The following TMEM117 variants were observed in gnomAD, a reference collection of about 807,000 sequenced individuals.
The protein encoded by TMEM117 is transmembrane protein 117.
Under a neutral mutation model 52.4 loss-of-function variants are expected in TMEM117, and 27 were observed. The observed-to-expected ratio is 0.51, with a 90% CI of 0.38 to 0.71. TMEM117 has a LOEUF of 0.71. Ranked by LOEUF, TMEM117 falls within the 30% of genes least tolerant of loss-of-function variation. TMEM117 has a pLI of 0.00. For synonymous variants in TMEM117, 215 were observed against 206.3 expected (o/e 1.04, Z -0.36); for missense variants, 556 against 630.5 (o/e 0.88, Z 1.26).
At chr12:43,979,652 G>T (rs1170570918) in intron 3 of TMEM117, among the ~76,000 whole-genome samples, 1 of 152,118 alleles carries the variant, frequency 6.6e-6, no homozygotes, top group African/African-American at 2.4e-5. Flanking sequence ...GGGCCCCATA[G>T]GTTGCAAATT....
At chr12:43,968,868 C>G (rs939881453) in intron 3 of TMEM117, among the ~76,000 whole-genome samples, 6 of 152,156 alleles carry the variant, frequency 3.9e-5, no homozygotes, top group African/African-American at 1.4e-4. Flanking sequence ...TTTACTGCAG[C>G]CTGCACATGG....
rs367933151 is a variant in TMEM117, at chr12:43,904,648, A to AT, written c.278-39559dup. On this transcript the variant is annotated intron_variant, in intron 2 of 7. Coordinates refer to ENST00000266534, the MANE Select transcript of TMEM117 (RefSeq NM_032256.3). ...ATAGCACTACATTGATCTGTTGATC[A>AT]TTTATCACTCCCGGGTTGGTGCCTG... Among the ~76,000 whole-genome samples, 689 of 152,208 alleles carry AT rather than the reference A, an allele frequency of 4.5e-3. 6 individuals are homozygous for AT. The highest frequency in any genetic ancestry group is 0.015 in the African/African-American group (638 of 41,514).
intron 3 of TMEM117, among the ~76,000 whole-genome samples, chr12:44,082,785 C>A (rs1449306931): frequency 6.6e-6 from 1 of 152,038 alleles, no homozygotes; most frequent in Admixed American, 6.6e-5. Flanking sequence ...ATACTAGTAG[C>A]CTTACACTGA....
rs1240274836 is a variant in TMEM117, at chr12:43,959,029, G to A, written c.410+14687G>A. Among the ~76,000 whole-genome samples the A allele has an allele frequency of 6.6e-5, 10 of 152,134 alleles. No individual in the cohort carries two copies. In the East Asian group the frequency reaches 1.2e-3, roughly 18 times the overall value. On this transcript the variant is annotated intron_variant, in intron 3 of 7. Coordinates refer to ENST00000266534, the MANE Select transcript of TMEM117 (RefSeq NM_032256.3). ...TCACCATGTTCGCCAGGATGGTCTT[G>A]ATCTCCTGACCTCGTGATCCGCCCG...
intron 5 of TMEM117, among the ~76,000 whole-genome samples, chr12:44,224,122 C>T (rs1292696992): frequency 6.6e-6 from 1 of 152,056 alleles, no homozygotes; most frequent in Non-Finnish European, 1.5e-5. Flanking sequence ...TTACCTGTCT[C>T]TGCCTTGATT....
At chr12:43,987,378 G>C (rs1945865985) in intron 3 of TMEM117, among the ~76,000 whole-genome samples, 1 of 152,168 alleles carries the variant, frequency 6.6e-6, no homozygotes, top group Admixed American at 6.6e-5. Context: ...ACATGCTAGA[G>C]TGATTTTTTA....
At position 44,032,263 on chromosome 12, in the gene TMEM117, C is replaced by T. The variant is rs12296832; in HGVS notation, c.410+87921C>T. Among the ~76,000 whole-genome samples, 499 of 152,190 alleles carry T rather than the reference C, an allele frequency of 3.3e-3. 3 individuals are homozygous for T. The highest frequency in any genetic ancestry group is 0.011 in the African/African-American group (458 of 41,528). The stretch of plus-strand genomic sequence containing the variant: ...GTGTAATAAAGCAAATCAATCTTAC[C>T]GTGATTTGTCTTTAGTAAAGATGGA... On this transcript the variant is annotated intron_variant, in intron 3 of 7. Coordinates refer to ENST00000266534, the MANE Select transcript of TMEM117 (RefSeq NM_032256.3).
At chr12:43,827,753 T>C in the TMEM117 span, among the ~76,000 whole-genome samples, 1 of 152,208 alleles carries the variant, frequency 6.6e-6, no homozygotes, top group African/African-American at 2.4e-5. Flanking sequence ...CCAAAATTCA[T>C]GTCCACTTGG....
intron 2 of TMEM117, among the ~76,000 whole-genome samples, chr12:43,881,454 T>C (rs1348884794): frequency 1.3e-5 from 2 of 152,170 alleles, no homozygotes; most frequent in African/African-American, 2.4e-5. Context: ...TTTAGATATA[T>C]TTGATTAGGT....
chr12:44,231,261 T>C (rs1034478448), intron 5 of TMEM117, among the ~76,000 whole-genome samples: 7 of 151,952 alleles, frequency 4.6e-5, no homozygotes, highest in African/African-American at 1.7e-4. Context: ...TGTTTTCCTT[T>C]TTTCACTCAT....
At chr12:44,041,956 C>T (rs1390358911) in intron 3 of TMEM117, among the ~76,000 whole-genome samples, 1 of 152,196 alleles carries the variant, frequency 6.6e-6, no homozygotes, top group African/African-American at 2.4e-5. Flanking sequence ...TACTCACTCT[C>T]ATTACTCCAA....
the TMEM117 span, among the ~76,000 whole-genome samples, chr12:43,818,434 T>TG: frequency 1.4e-5 from 2 of 145,936 alleles, no homozygotes; most frequent in African/African-American, 5.0e-5. Context: ...TTTTTTTGTG[T>TG]TTTTTTTTTG....
At chr12:44,097,923 G>A (rs1252357700) in intron 3 of TMEM117, among the ~76,000 whole-genome samples, 1 of 151,786 alleles carries the variant, frequency 6.6e-6, no homozygotes, top group East Asian at 1.9e-4. Context: ...AGTGTTGCTG[G>A]TGCTTGGAGA....
intron 6 of TMEM117, among the ~76,000 whole-genome samples, chr12:44,358,484 A>G (rs1200617508): frequency 6.6e-6 from 1 of 152,076 alleles, no homozygotes; most frequent in African/African-American, 2.4e-5. Context: ...AATGACCTCT[A>G]ATTCTACTCA....
At chr12:43,805,387 A>T in the TMEM117 span, 19 of 357,842 alleles carry the variant, frequency 5.3e-5, no homozygotes, top group African/African-American at 3.8e-4. Context: ...AATCTTTACG[A>T]ATAAAACATA....
intron 1 of TMEM117, among the ~76,000 whole-genome samples, 187 bp downstream of exon 1, chr12:43,836,383 G>T (rs897234212): frequency 6.6e-6 from 1 of 152,206 alleles, no homozygotes; most frequent in Admixed American, 6.5e-5. Context: ...GCCTTCCTGG[G>T]GATGGCAGCC....
At chr12:44,236,821 C>A (rs1247948102) in intron 5 of TMEM117, among the ~76,000 whole-genome samples, 1 of 152,020 alleles carries the variant, frequency 6.6e-6, no homozygotes, top group Non-Finnish European at 1.5e-5. Flanking sequence ...GCATCATGAA[C>A]AACCCAGAAT....
chr12:44,165,736 T>C (rs1372508819), intron 4 of TMEM117, among the ~76,000 whole-genome samples: 2 of 152,132 alleles, frequency 1.3e-5, no homozygotes, highest in Non-Finnish European at 2.9e-5. Flanking sequence ...CAATTATTAT[T>C]AGATATAAAG....
intron 2 of TMEM117, among the ~76,000 whole-genome samples, chr12:43,920,440 G>A (rs760963174): frequency 1.3e-5 from 2 of 149,986 alleles, no homozygotes; most frequent in Admixed American, 6.6e-5. Flanking sequence ...TTGAACCCGG[G>A]AGGCGGAGGT....
Sources: gnomAD v4.1 joint callset for allele counts (sites outside exome capture counted in the v4.1 genomes callset) on GRCh38, gnomAD v4.1.1 for gene constraint, MANE v1.5 for transcripts, NCBI Gene and HGNC (gene_info 2026-07-23, HGNC 2026-07-21) for gene names.